FAM107B: variants seen among roughly 807,000 people sequenced by gnomAD.
The protein encoded by FAM107B is protein FAM107B.
A neutral mutation model predicts 31.5 loss-of-function variants in FAM107B; 21 were observed. The ratio of observed to expected loss-of-function variants is 0.67; its 90% CI spans 0.47 to 0.96. The LOEUF is 0.96. Among genes scored for constraint, FAM107B ranks in the 40% least tolerant of loss-of-function variants. The probability of loss-of-function intolerance (pLI) is 0.00; values close to 1 mark genes in which losing one functional copy is unlikely to be tolerated. For synonymous variants in FAM107B, 157 were observed against 141.5 expected (o/e 1.11, Z -0.78); for missense variants, 452 against 377.1 (o/e 1.20, Z -1.64).
Position 14,592,863 on chromosome 10 carries a change from C to T in FAM107B, c.470-62348G>A, listed in dbSNP as rs116788765. ...AAAGCTGAACAGAGTCCCTTGGCAACGGAAGATAACAGCTTCTTCACTGCA... is the reference window on the plus strand; with the variant it reads ...AAAGCTGAACAGAGTCCCTTGGCAATGGAAGATAACAGCTTCTTCACTGCA... On this transcript the variant is annotated intron_variant, in intron 2 of 4. Transcript: ENST00000181796. Among the ~76,000 whole-genome samples the T allele has an allele frequency of 6.0e-3, 919 of 152,306 alleles. 10 individuals carry two copies. Among genetic ancestry groups the T allele is most frequent in the African/African-American group, 0.021 (888 of 41,566 alleles).
rs76136412 is a variant in FAM107B at position 14,754,418 on chromosome 10, G to C, written c.411+19835C>G. Among the ~76,000 whole-genome samples the C allele has an allele frequency of 2.6e-5, 4 of 152,314 alleles. No homozygotes were observed. The East Asian group carries it at 7.7e-4, about 29-fold the overall frequency. On this transcript the variant is annotated intron_variant, in intron 1 of 4. Coordinates refer to ENST00000181796, the MANE Select transcript of FAM107B (RefSeq NM_031453.4). ...AGACCTGACTTGACTAATCCAAGCA[G>C]AGTGGTCTTATCCCTTAAACACGAG...
intron 2 of FAM107B, among the ~76,000 whole-genome samples, chr10:14,657,850 G>A (rs974123985): frequency 6.6e-5 from 10 of 150,396 alleles, no homozygotes; most frequent in East Asian, 5.9e-4. Context: ...TCACTCTGTC[G>A]CCCAGTCTGG....
At chr10:14,571,743 G>T in intron 2 of FAM107B, 3 of 979,724 alleles carry the variant, frequency 3.1e-6, no homozygotes, top group Non-Finnish European at 3.6e-6. Context: ...CCATAGAAAA[G>T]TCCCAGTGTT....
intron 1 of FAM107B, among the ~76,000 whole-genome samples, chr10:14,681,326 G>C (rs1264512653): frequency 6.6e-6 from 1 of 152,178 alleles, no homozygotes; most frequent in Non-Finnish European, 1.5e-5. Context: ...GGTATGGTCT[G>C]ATGCTCAGAC....
intron 2 of FAM107B, among the ~76,000 whole-genome samples, chr10:14,605,902 C>T (rs1465754716): frequency 6.6e-6 from 1 of 152,208 alleles, no homozygotes; most frequent in East Asian, 1.9e-4. Flanking sequence ...TCTCCCTCCC[C>T]CTCTGCTGGC....
intron 2 of FAM107B, among the ~76,000 whole-genome samples, chr10:14,570,753 G>C (rs1333040610): frequency 1.4e-5 from 2 of 148,060 alleles, no homozygotes; most frequent in Non-Finnish European, 2.9e-5. Context: ...AGTGGGCTAA[G>C]ACTGCACCAC....
intron 1 of FAM107B, among the ~76,000 whole-genome samples, chr10:14,697,028 T>C (rs915183772): frequency 3.3e-5 from 5 of 152,066 alleles, no homozygotes; most frequent in African/African-American, 9.7e-5. Flanking sequence ...GTCTGATACA[T>C]TGACAGTCTA....
At position 14,578,082 on chromosome 10, in the gene FAM107B, G is replaced by T. The variant is rs76493047; in HGVS notation, c.470-47567C>A. Among the ~76,000 whole-genome samples the T allele has an allele frequency of 6.4e-4, 98 of 152,198 alleles. 1 individual carries two copies. In the East Asian group the frequency reaches 0.014, roughly 22 times the overall value. On this transcript the variant is annotated intron_variant, in intron 2 of 4. Coordinates refer to ENST00000181796, the MANE Select transcript of FAM107B (RefSeq NM_031453.4). ...CTCCACATCCAGAGCCAGGGCGTGC[G>T]GGTACAAAGCTTTCTTTCCATTTGG...
At position 14,774,407 on chromosome 10, in the gene FAM107B, T is replaced by C; in HGVS notation, c.257A>G (p.Asn86Ser). ...ACTTGAATTCCGATTCGCACTGCCA[T>C]TTCTCTCTGCATGGGTGCTCGAATC... is the stretch of plus-strand genomic sequence containing the variant. ...RQDSSTHAER[N>S]GSANRNSSHR... is the part of the protein sequence containing the mutation. Residue 86 changes from asparagine (N) to serine (S), a missense_variant, in exon 1 of 5, where the codon AAT (asparagine) becomes AGT (serine). Asn to Ser is a conservative substitution (Grantham distance 46, BLOSUM62 1). Coordinates refer to ENST00000181796, the MANE Select transcript of FAM107B (RefSeq NM_031453.4). 26 of 1,614,176 alleles carry C rather than the reference T, an allele frequency of 1.6e-5. No individual in the cohort carries two copies. The highest frequency in any genetic ancestry group is 2.2e-5 in the Non-Finnish European group (26 of 1,180,016).
intron 2 of FAM107B, among the ~76,000 whole-genome samples, chr10:14,597,370 T>C (rs1180662773): frequency 1.3e-5 from 2 of 152,250 alleles, no homozygotes; most frequent in African/African-American, 2.4e-5. Flanking sequence ...TCACAAAGTA[T>C]GCTCTGTCCC....
At chr10:14,677,478 G>A (rs1007710901) in intron 1 of FAM107B, among the ~76,000 whole-genome samples, 4 of 152,060 alleles carry the variant, frequency 2.6e-5, no homozygotes, top group African/African-American at 7.2e-5. Flanking sequence ...AAAATTAGCC[G>A]GGCGTGGTGG....
At chr10:14,764,740 A>G (rs2252188) in intron 1 of FAM107B, among the ~76,000 whole-genome samples, 118,740 of 152,234 alleles carry the variant, frequency 0.78, 47,221 homozygotes, top group African/African-American at 0.95. Context: ...ACCAGCCCCT[A>G]TGGTTCCTAG....
At chr10:14,690,949 T>C (rs561226980) in intron 1 of FAM107B, among the ~76,000 whole-genome samples, 1 of 142,802 alleles carries the variant, frequency 7.0e-6, no homozygotes, top group African/African-American at 2.6e-5. Context: ...GATTGATTGA[T>C]TGATAGCCAA....
intron 1 of FAM107B, among the ~76,000 whole-genome samples, chr10:14,746,066 T>C (rs1440080443): frequency 6.6e-6 from 1 of 152,222 alleles, no homozygotes; most frequent in Non-Finnish European, 1.5e-5. Context: ...TTTCTTTGTC[T>C]TTTTTGATCT....
intron 1 of FAM107B, among the ~76,000 whole-genome samples, chr10:14,670,023 A>C (rs1302116965): frequency 6.6e-6 from 1 of 152,260 alleles, no homozygotes; most frequent in Non-Finnish European, 1.5e-5. Flanking sequence ...GCATGTAAAA[A>C]AAATCACAAG....
At chr10:14,560,311 C>T (rs909539163) in intron 2 of FAM107B, among the ~76,000 whole-genome samples, 3 of 152,128 alleles carry the variant, frequency 2.0e-5, no homozygotes, top group Non-Finnish European at 2.9e-5. Context: ...TTTTAAGAGT[C>T]TTTCATCTTT....
intron 1 of FAM107B, among the ~76,000 whole-genome samples, chr10:14,690,050 G>GGAGGGAGGGAGGGAGA (rs1449439529): frequency 3.4e-5 from 5 of 146,474 alleles, no homozygotes; most frequent in African/African-American, 1.3e-4. Context: ...AGGGAGGGAG[G>GGAGGGAGGGAGGGAGA]GAGACACCTG....
chr10:14,731,463 G>A (rs2131560562), intron 1 of FAM107B, among the ~76,000 whole-genome samples: 1 of 152,328 alleles, frequency 6.6e-6, no homozygotes, highest in South Asian at 2.1e-4. Context: ...TTGGAAGGCT[G>A]AGACAGGAGG....
intron 2 of FAM107B, among the ~76,000 whole-genome samples, chr10:14,659,107 T>C: frequency 6.6e-6 from 1 of 152,122 alleles, no homozygotes; most frequent in East Asian, 1.9e-4. Flanking sequence ...CTATCCCCAG[T>C]AGCATTTTCC....
Sources: gnomAD v4.1 joint callset for allele counts (sites outside exome capture counted in the v4.1 genomes callset) on GRCh38, gnomAD v4.1.1 for gene constraint, MANE v1.5 for transcripts, NCBI Gene and HGNC (gene_info 2026-07-23, HGNC 2026-07-21) for gene names.